SMAP1: variants seen among roughly 807,000 people sequenced by gnomAD.
SMAP1 encodes the protein small ArfGAP 1.
A neutral mutation model predicts 58.5 loss-of-function variants in SMAP1; 24 were observed. The ratio of observed to expected loss-of-function variants is 0.41; its 90% CI spans 0.30 to 0.58. The LOEUF (loss-of-function observed/expected upper bound fraction) is 0.58, where lower values mean the gene tolerates loss of function less well. Among genes scored for constraint, SMAP1 ranks in the 20% least tolerant of loss-of-function variants. The pLI is 0.29. For missense variants in SMAP1, 563 were observed against 566.3 expected (o/e 0.99, Z 0.06); for synonymous variants, 216 against 196.6 (o/e 1.10, Z -0.82).
intron 5 of SMAP1, 79 bp from the exon 6 acceptor site, chr6:70,798,578 A>T: frequency 1.9e-6 from 2 of 1,051,058 alleles, no homozygotes; most frequent in Non-Finnish European, 2.7e-6. Context: ...TCAGATGATT[A>T]CTCAAACTAA....
At chr6:70,722,126 C>G (rs1768556122) in intron 1 of SMAP1, among the ~76,000 whole-genome samples, 1 of 152,160 alleles carries the variant, frequency 6.6e-6, no homozygotes, top group Non-Finnish European at 1.5e-5. Flanking sequence ...TCTACAAGTA[C>G]TAATGAAGGG....
chr6:70,754,832 G>T (rs1204873353), intron 2 of SMAP1, 148 bp from the exon 3 acceptor site: 2 of 480,354 alleles, frequency 4.2e-6, no homozygotes, highest in Non-Finnish European at 3.8e-6. Context: ...TAATTTCGTA[G>T]TTGTGATTTA....
chr6:70,756,199 A>G (rs1372735280), intron 3 of SMAP1, among the ~76,000 whole-genome samples: 1 of 152,098 alleles, frequency 6.6e-6, no homozygotes, highest in Non-Finnish European at 1.5e-5. Context: ...GTTTGAAGGT[A>G]ACATTTGTGA....
chr6:70,668,521 C>T, intron 1 of SMAP1: 1 of 1,513,982 alleles, frequency 6.6e-7, no homozygotes. Context: ...CCTAGCTCTG[C>T]TCATAGCTAT....
intron 10 of SMAP1, chr6:70,859,466 G>GTAGTT (rs1325558304): frequency 1.7e-6 from 2 of 1,191,974 alleles, no homozygotes; most frequent in Non-Finnish European, 2.4e-6. Flanking sequence ...GATTAGTGAT[G>GTAGTT]TAGTTTATGT....
chr6:70,703,758 A>G (rs1322428318), intron 1 of SMAP1, among the ~76,000 whole-genome samples: 1 of 152,146 alleles, frequency 6.6e-6, no homozygotes, highest in Non-Finnish European at 1.5e-5. Context: ...CTCTCTGTGC[A>G]TCTCTCTCCT....
chr6:70,668,985 G>GT (rs573295703), intron 1 of SMAP1, among the ~76,000 whole-genome samples: 1,731 of 152,214 alleles, frequency 0.011, 18 homozygotes, highest in Middle Eastern at 0.024. Flanking sequence ...CCTAATTTTA[G>GT]TTTTTTCGGT....
intron 6 of SMAP1, among the ~76,000 whole-genome samples, chr6:70,821,434 G>A (rs1282378405): frequency 2.6e-5 from 4 of 151,902 alleles, no homozygotes; most frequent in Admixed American, 6.6e-5. Flanking sequence ...TAAATATATG[G>A]CATTGTCATG....
At chr6:70,836,858 C>A in intron 6 of SMAP1, 83 bp from the exon 7 acceptor site, 1 of 1,109,376 alleles carries the variant, frequency 9.0e-7, no homozygotes, top group Non-Finnish European at 1.3e-6. Flanking sequence ...CTAACTTTAT[C>A]AGAACCCTGT....
At chr6:70,712,776 T>C (rs557800701) in intron 1 of SMAP1, among the ~76,000 whole-genome samples, 1 of 151,234 alleles carries the variant, frequency 6.6e-6, no homozygotes, top group South Asian at 2.1e-4. Context: ...TCTTTTCTTT[T>C]CTTTTTTCTT....
At position 70,690,531 on chromosome 6, in the gene SMAP1, C is replaced by T. The variant is rs1425542188; in HGVS notation, c.118+22390C>T. Among the ~76,000 whole-genome samples, 4 of 152,030 alleles carry T rather than the reference C, an allele frequency of 2.6e-5. 1 individual carries two copies. The East Asian group carries it at 7.7e-4, about 29-fold the overall frequency. On this transcript the variant is annotated intron_variant, in intron 1 of 10. Coordinates refer to ENST00000370455, the MANE Select transcript of SMAP1 (RefSeq NM_001044305.3). ...ATGTTGGTCAGGCTGGTCTTGAACT[C>T]CTGACCTCAGGTGATTTGCCCGCCT...
chr6:70,788,020 A>G (rs149522823), intron 4 of SMAP1, among the ~76,000 whole-genome samples: 134 of 152,262 alleles, frequency 8.8e-4, no homozygotes, highest in African/African-American at 3.0e-3. Context: ...TTGTGGCACT[A>G]TTCACATTAA....
chr6:70,855,482 G>A (rs1390616738), intron 8 of SMAP1, among the ~76,000 whole-genome samples: 1 of 151,944 alleles, frequency 6.6e-6, no homozygotes, highest in Non-Finnish European at 1.5e-5. Context: ...CTTATCCACA[G>A]GGAATAGACC....
At chr6:70,804,677 T>C (rs1769037515) in intron 6 of SMAP1, among the ~76,000 whole-genome samples, 1 of 152,140 alleles carries the variant, frequency 6.6e-6, no homozygotes, top group African/African-American at 2.4e-5. Context: ...CAGGAGCTCT[T>C]GTAAGGCAGG....
intron 3 of SMAP1, among the ~76,000 whole-genome samples, chr6:70,763,834 G>A (rs1288908410): frequency 6.6e-6 from 1 of 152,168 alleles, no homozygotes; most frequent in Non-Finnish European, 1.5e-5. Flanking sequence ...TAACTCTTCA[G>A]TTCTGTGAAG....
In SMAP1 at chr6:70,791,759, A is replaced by G. The variant is rs754287171; in HGVS notation, c.485A>G (p.Asn162Ser). The change falls in exon 5 of 11, where the codon AAT becomes AGT. Residue 162 changes from asparagine to serine, a missense_variant. Asn to Ser is a conservative substitution (Grantham distance 46). Around this residue, in one of 3 missense-constraint regions of SMAP1, gnomAD observed 494 missense variants for 473.8 expected, o/e 1.04. Transcript: ENST00000370455. Reference sequence around the variant, plus strand: ...TCTCTGCAAGCTGCTGTTGACAAAAATAAATTGGAGGTATGGTCATGTTTT... The same window carrying G: ...TCTCTGCAAGCTGCTGTTGACAAAAGTAAATTGGAGGTATGGTCATGTTTT... ...SPSLQAAVDK[N>S]KLEKEKEKKK... 1.2e-6 allele frequency: 2 copies of G among 1,613,254 alleles called. No individual in the cohort carries two copies. The highest frequency in any genetic ancestry group is 1.7e-5 in the Admixed American group (1 of 59,958).
intron 3 of SMAP1, among the ~76,000 whole-genome samples, chr6:70,758,086 C>A: frequency 6.6e-6 from 1 of 151,688 alleles, no homozygotes; most frequent in African/African-American, 2.4e-5. Flanking sequence ...TTTATTGCAG[C>A]ATTATTCACA....
intron 8 of SMAP1, among the ~76,000 whole-genome samples, chr6:70,853,522 A>G (rs1330619119): frequency 2.6e-5 from 4 of 152,218 alleles, no homozygotes; most frequent in African/African-American, 4.8e-5. Flanking sequence ...GAAAAAGTCA[A>G]TGTCTTATAA....
chr6:70,834,517 C>T (rs1395692064), intron 6 of SMAP1, among the ~76,000 whole-genome samples: 1 of 152,148 alleles, frequency 6.6e-6, no homozygotes, highest in Non-Finnish European at 1.5e-5. Context: ...TTATTTTCAA[C>T]TTCAAAGTTT....
Sources: allele counts gnomAD v4.1 joint callset (sites outside exome capture counted in the v4.1 genomes callset), GRCh38; gene constraint gnomAD v4.1.1; regional missense constraint gnomAD v4.1.1; transcripts MANE v1.5; gene names NCBI Gene and HGNC (gene_info 2026-07-23, HGNC 2026-07-21).